The following DPH6 variants were observed in gnomAD, a reference collection of about 807,000 sequenced individuals.
DPH6 encodes diphthamine biosynthesis 6, also known as diphthine--ammonia ligase.
DPH6 carries 33 observed loss-of-function variants against 38.2 expected under a neutral mutation model. That is an observed-to-expected ratio of 0.86 (90% CI 0.65 to 1.15). The LOEUF is 1.15. Ranked by LOEUF, DPH6 falls within the 50% of genes most tolerant of loss-of-function variation. The pLI, the probability that DPH6 is intolerant of heterozygous loss-of-function variation, is 0.00. For synonymous variants in DPH6, 108 were observed against 103.0 expected, an observed-to-expected ratio of 1.05 and a Z score of -0.30; for missense variants, 325 against 320.0, an observed-to-expected ratio of 1.02 and a Z score of -0.12.
In DPH6 at chr15:35,523,308, C is replaced by T. The variant is rs141810549; in HGVS notation, c.312+14966G>A. ...TGAAATGCCTGTTCATATCCTTAGC[C>T]CATTATCTCTATTTGGAGACATGCT... On this transcript the variant is annotated intron_variant, in intron 3 of 8. Coordinates refer to ENST00000256538, the MANE Select transcript of DPH6 (RefSeq NM_080650.4). Among the ~76,000 whole-genome samples the T allele has an allele frequency of 8.1e-3, 1,218 of 149,946 alleles. 5 individuals are homozygous for T. Among genetic ancestry groups the T allele is most frequent in the Non-Finnish European group, 0.013 (861 of 67,452 alleles).
rs531317554 is a variant in DPH6, at chr15:35,242,925, A to G, written n.201-22343T>C. 1.4e-5 allele frequency among the ~76,000 whole-genome samples: 2 copies of G among 142,116 alleles called. 1 individual carries two copies. The highest frequency in any genetic ancestry group is 4.9e-4 in the South Asian group (2 of 4,046). 93.2% of individuals were successfully genotyped at this position (142,116 alleles called of 152,430 possible). A position where few individuals can be genotyped will look rare whatever the true frequency, so the allele number is the denominator to read the frequency against. Reference sequence around the variant, plus strand: ...CTGCTCTTGTTTACACTGCCGGTTTACACTGTTTTTCCAAGCCGTCACAGC... The same window carrying G: ...CTGCTCTTGTTTACACTGCCGGTTTGCACTGTTTTTCCAAGCCGTCACAGC... On this transcript the variant is annotated intron_variant and non_coding_transcript_variant, in intron 3 of 3. Transcript: ENST00000560386.
At chr15:35,193,011 C>G in the DPH6 span, among the ~76,000 whole-genome samples, 1 of 152,120 alleles carries the variant, frequency 6.6e-6, no homozygotes, top group African/African-American at 2.4e-5. Context: ...ATGATATGTG[C>G]TACAATGAAT....
chr15:35,226,147 T>A (rs575667273), intron 3 of DPH6, among the ~76,000 whole-genome samples: 1 of 151,036 alleles, frequency 6.6e-6, no homozygotes, highest in South Asian at 2.1e-4. Context: ...TAAATAAAAA[T>A]AAAAATATTA....
intron 5 of DPH6, among the ~76,000 whole-genome samples, chr15:35,431,732 T>C (rs1238245055): frequency 1.3e-5 from 2 of 151,682 alleles, no homozygotes; most frequent in East Asian, 3.9e-4. Flanking sequence ...CAGTTAATTA[T>C]CATAAAAAGC....
intron 3 of DPH6, among the ~76,000 whole-genome samples, chr15:35,226,253 T>G (rs1473654894): frequency 6.6e-6 from 1 of 152,206 alleles, no homozygotes; most frequent in East Asian, 1.9e-4. Context: ...TGTAGTATGG[T>G]GATAGCTTTA....
At chr15:35,526,416 TTAGA>T (rs2055003468) in intron 3 of DPH6, among the ~76,000 whole-genome samples, 1 of 152,188 alleles carries the variant, frequency 6.6e-6, no homozygotes, top group Non-Finnish European at 1.5e-5. Flanking sequence ...TTTGTCAAAG[TTAGA>T]TAGGCTTAAT....
intron 5 of DPH6, among the ~76,000 whole-genome samples, chr15:35,429,541 T>C (rs2053607658): frequency 6.6e-6 from 1 of 152,122 alleles, no homozygotes; most frequent in South Asian, 2.1e-4. Flanking sequence ...AATAAAGAAA[T>C]AATGATATAA....
intron 6 of DPH6, among the ~76,000 whole-genome samples, chr15:35,398,105 C>T (rs1351581010): frequency 6.6e-6 from 1 of 152,022 alleles, no homozygotes; most frequent in African/African-American, 2.4e-5. Context: ...TGTTCTCTGC[C>T]CCTGGTTCCC....
In DPH6 at chr15:35,436,334, T is replaced by C. The variant is rs189873488; in HGVS notation, c.505+14351A>G. Among the ~76,000 whole-genome samples the C allele has an allele frequency of 8.6e-3, 1,304 of 151,194 alleles. 8 individuals are homozygous for C. The highest frequency in any genetic ancestry group is 0.022 in the African/African-American group (887 of 40,992). ...ACAAAAAATTAGCTGGGCGTGGTGG[T>C]GGGCGCCTGTACTCCCAGCTACTCG... On this transcript the variant is annotated intron_variant, in intron 5 of 8. Coordinates refer to ENST00000256538, the MANE Select transcript of DPH6 (RefSeq NM_080650.4).
chr15:35,384,880 G>A (rs752489088), intron 6 of DPH6, among the ~76,000 whole-genome samples: 4 of 151,932 alleles, frequency 2.6e-5, no homozygotes, highest in Non-Finnish European at 4.4e-5. Flanking sequence ...ATCTGGCAAA[G>A]GGCTAATATC....
intron 5 of DPH6, among the ~76,000 whole-genome samples, chr15:35,439,409 T>C (rs1253664164): frequency 1.3e-5 from 2 of 152,250 alleles, no homozygotes; most frequent in Non-Finnish European, 2.9e-5. Context: ...CTCTAGTATT[T>C]GGACACTGTC....
chr15:35,409,136 T>G (rs1288117176), intron 6 of DPH6, among the ~76,000 whole-genome samples: 2 of 151,766 alleles, frequency 1.3e-5, no homozygotes, highest in African/African-American at 4.8e-5. Context: ...CTTCTCCCAG[T>G]TACAGTAAGC....
intron 3 of DPH6, among the ~76,000 whole-genome samples, chr15:35,276,020 CCA>C (rs1647626628): frequency 6.6e-6 from 1 of 152,194 alleles, no homozygotes; most frequent in African/African-American, 2.4e-5. Flanking sequence ...TAAGGAATCT[CCA>C]CACTGTTTTC....
At chr15:35,397,906 C>CAT (rs368062420) in intron 6 of DPH6, among the ~76,000 whole-genome samples, 23,204 of 147,080 alleles carry the variant, frequency 0.16, 2,107 homozygotes, top group South Asian at 0.26. Flanking sequence ...CACACACACA[C>CAT]ACACACACAA....
At chr15:35,350,421 C>A (rs769974989) in intron 3 of DPH6, among the ~76,000 whole-genome samples, 3 of 148,222 alleles carry the variant, frequency 2.0e-5, no homozygotes, top group African/African-American at 5.0e-5. Context: ...TGTTTTTATT[C>A]TCTGCTTCAT....
At chr15:35,274,572 G>A (rs1202517243) in intron 3 of DPH6, among the ~76,000 whole-genome samples, 1 of 151,580 alleles carries the variant, frequency 6.6e-6, no homozygotes, top group Non-Finnish European at 1.5e-5. Context: ...CAATCAAAAA[G>A]TGGGCACAGG....
At chr15:35,379,912 T>G (rs1422132895) in intron 7 of DPH6, among the ~76,000 whole-genome samples, 1 of 151,920 alleles carries the variant, frequency 6.6e-6, no homozygotes, top group African/African-American at 2.4e-5. Flanking sequence ...ATGAAAGGAT[T>G]TAGCAAAGTG....
intron 3 of DPH6, among the ~76,000 whole-genome samples, chr15:35,340,597 T>C (rs1346903655): frequency 6.6e-6 from 1 of 152,174 alleles, no homozygotes; most frequent in Admixed American, 6.5e-5. Context: ...CCTCAGCATG[T>C]GTTTGTCTGA....
intron 1 of DPH6, among the ~76,000 whole-genome samples, chr15:35,543,163 A>T (rs895648278): frequency 6.8e-6 from 1 of 147,094 alleles, no homozygotes; most frequent in Non-Finnish European, 1.5e-5. Flanking sequence ...TGCAGAGATA[A>T]AAAACAAGAT....
Sources: gnomAD v4.1 joint callset for allele counts (sites outside exome capture counted in the v4.1 genomes callset) on GRCh38, gnomAD v4.1.1 for gene constraint, MANE v1.5 for transcripts, NCBI Gene and HGNC (gene_info 2026-07-23, HGNC 2026-07-21) for gene names.